Variants in RD3 observed in about 807,000 individuals in gnomAD.
RD3 encodes protein RD3.
A neutral mutation model predicts 16.9 loss-of-function variants in RD3; 11 were observed. That is an observed-to-expected ratio of 0.65 (90% CI 0.41 to 1.08). The LOEUF is 1.08. RD3 is among the 50% of genes least tolerant of loss of function. The probability of loss-of-function intolerance (pLI) is 0.00; values close to 1 mark genes in which losing one functional copy is unlikely to be tolerated. For missense variants in RD3, 274 were observed against 267.4 expected (o/e 1.02, Z -0.17); for synonymous variants, 116 against 114.8 (o/e 1.01, Z -0.07).
chr1:211,476,555 T>A lies in RD3; in HGVS notation c.*2481A>T, dbSNP rs373654186. Reference sequence around the variant, plus strand: ...GTTCTTTTATTTGTGGTTATTGAGGTTTCAATAATAGTAATGGAAGCAGAC... The same window carrying A: ...GTTCTTTTATTTGTGGTTATTGAGGATTCAATAATAGTAATGGAAGCAGAC... On this transcript the variant is annotated 3_prime_UTR_variant, in exon 3 of 3. Coordinates refer to ENST00000680073, the MANE Select transcript of RD3 (RefSeq NM_001164688.2). 10 of 152,106 alleles carry A rather than the reference T, an allele frequency of 6.6e-5. No individual in the cohort carries two copies. In the East Asian group the frequency reaches 1.9e-3, roughly 29 times the overall value. The allele number at this position is 152,106 out of a possible 1,614,324, so 9.4% of individuals were successfully genotyped here.
chr1:211,481,461 G>A (rs374433905), intron 1 of RD3, 35 bp from the exon 2 acceptor site: 137 of 1,597,064 alleles, frequency 8.6e-5, no homozygotes, highest in Non-Finnish European at 1.1e-4. Context: ...TCTTTCCTGG[G>A]CCCCTCTGTT....
chr1:211,485,635 T>C (rs917651590), intron 1 of RD3, among the ~76,000 whole-genome samples: 2 of 152,008 alleles, frequency 1.3e-5, no homozygotes, highest in African/African-American at 4.8e-5. Flanking sequence ...GAGTGACCTT[T>C]GGTGAGTGTC....
intron 2 of RD3, among the ~76,000 whole-genome samples, chr1:211,480,163 G>A (rs746927768): frequency 2.0e-5 from 3 of 151,994 alleles, no homozygotes; most frequent in Admixed American, 6.6e-5. Flanking sequence ...GGTGCTTCTG[G>A]AATAGATACA....
chr1:211,479,020 A>T lies in RD3; in HGVS notation c.*16T>A. On this transcript the variant is annotated 3_prime_UTR_variant, in exon 3 of 3. Transcript: ENST00000680073. ...CCTGCAGAAGGCTCCGCTTCTGGGCAGGGAAGCGGCCGGGGTCAGTCGGCT... is the reference window on the plus strand; with the variant it reads ...CCTGCAGAAGGCTCCGCTTCTGGGCTGGGAAGCGGCCGGGGTCAGTCGGCT... 1 of 1,587,894 alleles carries T rather than the reference A, an allele frequency of 6.3e-7. No homozygotes were observed. The highest frequency in any genetic ancestry group is 8.5e-7 in the Non-Finnish European group (1 of 1,170,208).
Position 211,479,247 on chromosome 1 carries a change from A to G in RD3, c.377T>C (p.Leu126Pro), listed in dbSNP as rs1466807161. 6.2e-7 allele frequency: 1 copy of G among 1,608,590 alleles called. No homozygotes were observed. The highest frequency in any genetic ancestry group is 2.2e-5 in the East Asian group (1 of 44,672). Reference sequence around the variant, plus strand: ...CTCCTCTTCCTGCTTCATCCTCTCCAGGACCTCCTGCAGCACCGAGCGGAA... The same window carrying G: ...CTCCTCTTCCTGCTTCATCCTCTCCGGGACCTCCTGCAGCACCGAGCGGAA... ...QLFRSVLQEVLERMKQEEEAH... is the reference protein window; with the variant it reads ...QLFRSVLQEVPERMKQEEEAH... The change falls in exon 3 of 3, where the codon CTG becomes CCG. Residue 126 changes from leucine (L) to proline (P), a missense_variant. Transcript: ENST00000680073.
rs1304468059 is a variant in RD3 at position 211,477,004 on chromosome 1, GCA to G, written c.*2030_*2031del. ...CAACACTTTTGCCCCTACCAGCTGAGCAGTCTGCTTACCAAGGGTCACTTCTG... is the reference window on the plus strand; with the variant it reads ...CAACACTTTTGCCCCTACCAGCTGAGGTCTGCTTACCAAGGGTCACTTCTG... On this transcript the variant is annotated 3_prime_UTR_variant, in exon 3 of 3. Transcript: ENST00000680073. 3.3e-5 allele frequency: 5 copies of G among 151,994 alleles called. No homozygotes were observed. Among genetic ancestry groups the G allele is most frequent in the African/African-American group, 1.2e-4 (5 of 41,342 alleles). The allele number at this position is 151,994 out of a possible 1,614,324, so 9.4% of individuals were successfully genotyped here.
intron 1 of RD3, 150 bp from the exon 2 acceptor site, chr1:211,481,576 C>T: frequency 3.0e-6 from 2 of 660,220 alleles, no homozygotes; most frequent in South Asian, 1.8e-5. Flanking sequence ...AAGTAGGTGG[C>T]TTAATTTCCC....
At chr1:211,484,767 A>G (rs764013238) in intron 1 of RD3, among the ~76,000 whole-genome samples, 1 of 151,512 alleles carries the variant, frequency 6.6e-6, no homozygotes, top group Non-Finnish European at 1.5e-5. Flanking sequence ...CTCTCTTCCC[A>G]CCTCCGCTTC....
chr1:211,488,499 C>T (rs1475222259), intron 1 of RD3, among the ~76,000 whole-genome samples: 2 of 145,476 alleles, frequency 1.4e-5, no homozygotes, highest in Non-Finnish European at 3.0e-5. Flanking sequence ...GGTGCCACTG[C>T]ACTCCAGCCT....
At position 211,477,827 on chromosome 1, in the gene RD3, T is replaced by C. The variant is rs1572139292; in HGVS notation, c.*1209A>G. 1 of 360,222 alleles carries C rather than the reference T, an allele frequency of 2.8e-6. No homozygotes were observed. The highest frequency in any genetic ancestry group is 4.1e-5 in the East Asian group (1 of 24,312). The allele number at this position is 360,222 out of a possible 1,614,324, so 22.3% of individuals were successfully genotyped here. A position where few individuals can be genotyped will look rare whatever the true frequency, so the allele number is the denominator to read the frequency against. ...CTGCATGTGTGCTGGTAGTTGAGGGTAGACACTTCCCCACCCATCCCCCTT... is the reference window on the plus strand; with the variant it reads ...CTGCATGTGTGCTGGTAGTTGAGGGCAGACACTTCCCCACCCATCCCCCTT... On this transcript the variant is annotated 3_prime_UTR_variant, in exon 3 of 3. Transcript: ENST00000680073.
chr1:211,479,437 A>T, intron 2 of RD3, 110 bp from the exon 3 acceptor site: 1 of 956,382 alleles, frequency 1.0e-6, no homozygotes, highest in Middle Eastern at 3.2e-4. Flanking sequence ...CAATTAGTCC[A>T]CTCTACTCTG....
At chr1:211,486,558 A>T (rs532602049) in intron 1 of RD3, among the ~76,000 whole-genome samples, 1 of 151,808 alleles carries the variant, frequency 6.6e-6, no homozygotes, top group Non-Finnish European at 1.5e-5. Flanking sequence ...GTTAGAAAAT[A>T]ATCCATGGGG....
At chr1:211,483,611 G>C (rs1011157155) in intron 1 of RD3, among the ~76,000 whole-genome samples, 1 of 151,742 alleles carries the variant, frequency 6.6e-6, no homozygotes, top group African/African-American at 2.4e-5. Flanking sequence ...TAGCAGCTAG[G>C]ACGTTTACTT....
chr1:211,478,634 T>A lies in RD3; in HGVS notation c.*402A>T. 4.4e-6 allele frequency: 1 copy of A among 229,540 alleles called. No homozygotes were observed. Among genetic ancestry groups the A allele is most frequent in the Admixed American group, 5.3e-5 (1 of 18,852 alleles). The allele number at this position is 229,540 out of a possible 1,614,324, so 14.2% of individuals were successfully genotyped here. ...GGTCCCTTCTCATTGGGGATGGGGGTAGGGGGGTGAATGGGACATCCCTGA... is the reference window on the plus strand; with the variant it reads ...GGTCCCTTCTCATTGGGGATGGGGGAAGGGGGGTGAATGGGACATCCCTGA... On this transcript the variant is annotated 3_prime_UTR_variant, in exon 3 of 3. Transcript: ENST00000680073.
intron 1 of RD3, among the ~76,000 whole-genome samples, chr1:211,482,972 C>T (rs1705306438): frequency 6.6e-6 from 1 of 151,932 alleles, no homozygotes; most frequent in Admixed American, 6.5e-5. Flanking sequence ...AGGACACATG[C>T]ATTTTTAGGC....
At chr1:211,484,180 G>A (rs770394129) in intron 1 of RD3, among the ~76,000 whole-genome samples, 1 of 152,272 alleles carries the variant, frequency 6.6e-6, no homozygotes, top group Non-Finnish European at 1.5e-5. Context: ...CCCTGACCCC[G>A]GGTGTGGTAT....
Position 211,478,980 on chromosome 1 carries a change from C to CGGCG in RD3, c.*55_*56insCGCC. ...TTCCAGGGCCCGGCGCTCCGGTCAC[C>CGGCG]GGCCTATCATTCCCCCTGCAGAAGG... is the stretch of plus-strand genomic sequence containing the variant. On this transcript the variant is annotated 3_prime_UTR_variant, in exon 3 of 3. Coordinates refer to ENST00000680073, the MANE Select transcript of RD3 (RefSeq NM_001164688.2). 1 of 1,485,280 alleles carries CGGCG rather than the reference C, an allele frequency of 6.7e-7. No individual in the cohort carries two copies. The highest frequency in any genetic ancestry group is 9.0e-7 in the Non-Finnish European group (1 of 1,115,052). 92.0% of individuals were successfully genotyped at this position (1,485,280 alleles called of 1,614,324 possible).
rs890910032 is a variant in RD3, at chr1:211,480,770, C to T, written c.296+350G>A. On this transcript the variant is annotated intron_variant, in intron 2 of 2. Coordinates refer to ENST00000680073, the MANE Select transcript of RD3 (RefSeq NM_001164688.2). ...TGGAGAAATGTCTGGAAAACTTCTCCGAGAAGGTAATATTGAAGATAAACT... is the reference window on the plus strand; with the variant it reads ...TGGAGAAATGTCTGGAAAACTTCTCTGAGAAGGTAATATTGAAGATAAACT... Among the ~76,000 whole-genome samples, 8 of 151,970 alleles carry T rather than the reference C, an allele frequency of 5.3e-5. No individual in the cohort carries two copies. In the East Asian group the frequency reaches 1.2e-3, roughly 22 times the overall value.
intron 1 of RD3, among the ~76,000 whole-genome samples, chr1:211,484,879 C>T (rs1488232375): frequency 1.3e-5 from 2 of 152,376 alleles, no homozygotes; most frequent in Admixed American, 1.3e-4. Flanking sequence ...CTGTGCCACC[C>T]TCTGACTTAG....
Sources: gnomAD v4.1 joint callset for allele counts (sites outside exome capture counted in the v4.1 genomes callset) on GRCh38, gnomAD v4.1.1 for gene constraint, MANE v1.5 for transcripts, NCBI Gene and HGNC (gene_info 2026-07-23, HGNC 2026-07-21) for gene names.